The following ZBTB7C variants were observed in gnomAD, a reference collection of about 807,000 sequenced individuals.
ZBTB7C encodes the protein zinc finger and BTB domain containing 7C.
Under a neutral mutation model 25.7 loss-of-function variants are expected in ZBTB7C, and 8 were observed. That is an observed-to-expected ratio of 0.31 (90% CI 0.18 to 0.56). ZBTB7C has a LOEUF of 0.56. Ranked by LOEUF, ZBTB7C falls within the 20% of genes least tolerant of loss-of-function variation. The probability of loss-of-function intolerance (pLI) is 0.91; values close to 1 mark genes in which losing one functional copy is unlikely to be tolerated. For missense variants in ZBTB7C, 824 were observed against 855.2 expected, an observed-to-expected ratio of 0.96 and a Z score of 0.46; for synonymous variants, 394 against 369.0, an observed-to-expected ratio of 1.07 and a Z score of -0.78.
At chr18:48,119,811 T>C (rs903155554) in intron 3 of ZBTB7C, among the ~76,000 whole-genome samples, 1 of 152,146 alleles carries the variant, frequency 6.6e-6, no homozygotes, top group Non-Finnish European at 1.5e-5. Flanking sequence ...AACAATCTCA[T>C]TGATGGCAGC....
At chr18:48,338,017 A>T (rs1184250258) in intron 2 of ZBTB7C, among the ~76,000 whole-genome samples, 157 bp downstream of exon 2, 1 of 152,202 alleles carries the variant, frequency 6.6e-6, no homozygotes, top group East Asian at 1.9e-4. Context: ...GAAACTAATA[A>T]CTATAAAGCA....
chr18:48,303,955 A>G (rs72909625), intron 2 of ZBTB7C, among the ~76,000 whole-genome samples: 20,432 of 152,250 alleles, frequency 0.13, 1,716 homozygotes, highest in African/African-American at 0.23. Flanking sequence ...AGCCCTTAAC[A>G]AGCGCTAACT....
At chr18:48,037,116 G>A (rs955591428) in intron 4 of ZBTB7C, among the ~76,000 whole-genome samples, 2 of 152,214 alleles carry the variant, frequency 1.3e-5, no homozygotes, top group Middle Eastern at 3.2e-3. Flanking sequence ...CCAGCTCGGG[G>A]TTTCTCTCCT....
chr18:48,248,552 T>G (rs546421270), intron 2 of ZBTB7C, among the ~76,000 whole-genome samples: 21 of 152,344 alleles, frequency 1.4e-4, no homozygotes, highest in Admixed American at 5.9e-4. Context: ...CCTCTGACTA[T>G]GCTTTATTTT....
intron 2 of ZBTB7C, among the ~76,000 whole-genome samples, chr18:48,204,092 G>T (rs1051067626): frequency 1.2e-4 from 18 of 152,194 alleles, no homozygotes; most frequent in African/African-American, 4.3e-4. Context: ...CCTTCTCTCT[G>T]CAGTGCCTCC....
intron 3 of ZBTB7C, among the ~76,000 whole-genome samples, chr18:48,140,085 G>A (rs539599486): frequency 2.4e-4 from 36 of 152,280 alleles, no homozygotes; most frequent in African/African-American, 7.0e-4. Context: ...CAGTGAGGAC[G>A]AAAGCTCCTA....
intron 3 of ZBTB7C, among the ~76,000 whole-genome samples, chr18:48,168,338 T>C (rs754537817): frequency 1.3e-5 from 2 of 152,236 alleles, no homozygotes; most frequent in Non-Finnish European, 2.9e-5. Flanking sequence ...AAATATGTGG[T>C]TGATGTGCAG....
rs1272397915 is a variant in ZBTB7C, at chr18:48,137,039, G to T, written c.-17+48895C>A. Reference sequence around the variant, plus strand: ...CCCCGGGGACGCCGCGCTCGTGCCCGGGCCGTGTCCTGAGCGCCGCCAGGG... The same window carrying T: ...CCCCGGGGACGCCGCGCTCGTGCCCTGGCCGTGTCCTGAGCGCCGCCAGGG... On this transcript the variant is annotated intron_variant, in intron 3 of 4. Transcript: ENST00000590800. 6 of 984,896 alleles carry T rather than the reference G, an allele frequency of 6.1e-6. No individual in the cohort carries two copies. The African/African-American group carries it at 1.0e-4, about 17-fold the overall frequency. The allele number at this position is 984,896 out of a possible 1,614,324, so 61.0% of individuals were successfully genotyped here.
intron 2 of ZBTB7C, among the ~76,000 whole-genome samples, chr18:48,232,331 C>T (rs2043278070): frequency 6.6e-6 from 1 of 152,156 alleles, no homozygotes; most frequent in Non-Finnish European, 1.5e-5. Context: ...AAGAGAGAGC[C>T]CAGCTAATAC....
At chr18:48,384,465 C>G (rs554953192) in intron 1 of ZBTB7C, among the ~76,000 whole-genome samples, 108 of 152,210 alleles carry the variant, frequency 7.1e-4, no homozygotes, top group African/African-American at 2.5e-3. Context: ...CAATACATTC[C>G]TAGAATAGAG....
chr18:48,238,094 G>T (rs1323026647), intron 2 of ZBTB7C, among the ~76,000 whole-genome samples: 1 of 152,128 alleles, frequency 6.6e-6, no homozygotes, highest in Non-Finnish European at 1.5e-5. Flanking sequence ...AAAGCAAGGG[G>T]ATTATTACCA....
Position 48,027,979 on chromosome 18 carries a change from CT to C in ZBTB7C, c.*1280del, listed in dbSNP as rs1441001905. ...GGCCTCCACCTCCCTGCACTGAGCCCTTTTGTCAAAAATGGGGAGCCAAATA... is the reference window on the plus strand; with the variant it reads ...GGCCTCCACCTCCCTGCACTGAGCCCTTTGTCAAAAATGGGGAGCCAAATA... On this transcript the variant is annotated 3_prime_UTR_variant, in exon 5 of 5. Coordinates refer to ENST00000590800, the MANE Select transcript of ZBTB7C (RefSeq NM_001318841.2). 2.0e-5 allele frequency: 3 copies of C among 152,222 alleles called. No individual in the cohort carries two copies. The highest frequency in any genetic ancestry group is 4.4e-5 in the Non-Finnish European group (3 of 68,062). 9.4% of individuals were successfully genotyped at this position (152,222 alleles called of 1,614,324 possible). A position where few individuals can be genotyped will look rare whatever the true frequency, so the allele number is the denominator to read the frequency against.
intron 2 of ZBTB7C, among the ~76,000 whole-genome samples, chr18:48,202,251 C>A (rs2042468589): frequency 6.6e-6 from 1 of 152,150 alleles, no homozygotes; most frequent in African/African-American, 2.4e-5. Context: ...CAGACACACG[C>A]AGAGAGGGAG....
chr18:48,132,693 T>G (rs1478553192), intron 3 of ZBTB7C, among the ~76,000 whole-genome samples: 2 of 152,262 alleles, frequency 1.3e-5, no homozygotes, highest in Non-Finnish European at 2.9e-5. Context: ...TAGATTTCCC[T>G]AGGGCTTATG....
chr18:48,297,701 G>C (rs1242314453), intron 2 of ZBTB7C, among the ~76,000 whole-genome samples: 4 of 152,172 alleles, frequency 2.6e-5, no homozygotes, highest in Admixed American at 2.6e-4. Context: ...CCTTCAGTCA[G>C]AAGTGCCATA....
At chr18:48,112,260 CTTTTTTTTTT>C (rs1048802422) in intron 3 of ZBTB7C, among the ~76,000 whole-genome samples, 1 of 120,054 alleles carries the variant, frequency 8.3e-6, no homozygotes, top group Non-Finnish European at 1.8e-5. Flanking sequence ...TAATTTTTTT[CTTTTTTTTTT>C]TTTTTTTTGC....
chr18:48,323,339 G>T (rs1356715184), intron 2 of ZBTB7C, among the ~76,000 whole-genome samples: 1 of 152,216 alleles, frequency 6.6e-6, no homozygotes, highest in Admixed American at 6.5e-5. Flanking sequence ...AGTGCCTTCT[G>T]CAGGTTTTCT....
chr18:48,206,358 C>T (rs1008807772), intron 2 of ZBTB7C, among the ~76,000 whole-genome samples: 4 of 152,180 alleles, frequency 2.6e-5, no homozygotes, highest in East Asian at 3.8e-4. Context: ...GCTTACAATA[C>T]ATGGTGCTGA....
intron 1 of ZBTB7C, among the ~76,000 whole-genome samples, chr18:48,346,009 G>A (rs1406332782): frequency 6.6e-6 from 1 of 152,158 alleles, no homozygotes; most frequent in East Asian, 1.9e-4. Flanking sequence ...CACATACAAC[G>A]ATTTTCTAGA....
Sources: allele counts gnomAD v4.1 joint callset (sites outside exome capture counted in the v4.1 genomes callset), GRCh38; gene constraint gnomAD v4.1.1; transcripts MANE v1.5; gene names NCBI Gene and HGNC (gene_info 2026-07-23, HGNC 2026-07-21).